The following ASPRV1 variants were observed in gnomAD, a reference collection of about 807,000 sequenced individuals.
ASPRV1 encodes aspartic peptidase retroviral like 1.
In ASPRV1, 7 loss-of-function variants were observed where a neutral mutation model predicts 11.0. The ratio of observed to expected loss-of-function variants is 0.64; its 90% CI spans 0.36 to 1.20. The LOEUF is 1.20. Among genes scored for constraint, ASPRV1 ranks in the 50% most tolerant of loss-of-function variants. ASPRV1 has a pLI of 0.02. For synonymous variants in ASPRV1, 136 were observed against 138.4 expected (o/e 0.98, Z 0.12); for missense variants, 299 against 320.0 (o/e 0.93, Z 0.50).
At chr2:69,991,773 C>T in the ASPRV1 span, among the ~76,000 whole-genome samples, 1 of 152,008 alleles carries the variant, frequency 6.6e-6, no homozygotes, top group Non-Finnish European at 1.5e-5. Context: ...CTTGAACTCC[C>T]GACCTCAGGC....
At chr2:69,994,513 G>A in the ASPRV1 span, among the ~76,000 whole-genome samples, 2 of 152,216 alleles carry the variant, frequency 1.3e-5, no homozygotes, top group African/African-American at 4.8e-5. Context: ...GGTGCAGCAT[G>A]TGGGCGGTAC....
chr2:69,945,560 G>C, the ASPRV1 span, among the ~76,000 whole-genome samples: 1 of 152,228 alleles, frequency 6.6e-6, no homozygotes, highest in African/African-American at 2.4e-5. Flanking sequence ...CCAGAGGAAA[G>C]GGAAGCTTTG....
the ASPRV1 span, chr2:70,031,228 G>A: frequency 6.6e-6 from 1 of 152,268 alleles, no homozygotes; most frequent in East Asian, 1.9e-4. Flanking sequence ...GATCTCATGT[G>A]ATTCTCATGA....
the ASPRV1 span, among the ~76,000 whole-genome samples, chr2:70,073,899 CG>C: frequency 2.0e-5 from 3 of 151,806 alleles, no homozygotes; most frequent in African/African-American, 7.3e-5. Context: ...TTTGGGAGGC[CG>C]AAATGGGCAG....
the ASPRV1 span, chr2:70,014,485 G>C: frequency 6.6e-6 from 1 of 152,128 alleles, no homozygotes; most frequent in Non-Finnish European, 1.5e-5. Flanking sequence ...AAAAATTTCT[G>C]TGCAACAGAG....
At chr2:70,064,755 G>T in the ASPRV1 span, among the ~76,000 whole-genome samples, 1 of 152,154 alleles carries the variant, frequency 6.6e-6, no homozygotes, top group East Asian at 1.9e-4. Context: ...TGTCAATAAT[G>T]TGTCAGACAT....
chr2:69,937,844 C>T, the ASPRV1 span, among the ~76,000 whole-genome samples: 2 of 152,156 alleles, frequency 1.3e-5, no homozygotes, highest in African/African-American at 4.8e-5. Flanking sequence ...GAACTCCTGA[C>T]CTCAAGTAAT....
At chr2:69,958,379 G>A (rs1289120958), downstream of ASPRV1, among the ~76,000 whole-genome samples, 2 of 152,146 alleles carry the variant, frequency 1.3e-5, no homozygotes, top group Non-Finnish European at 2.9e-5. Context: ...AGACCTGGGG[G>A]CTCAGACAGG....
At chr2:70,047,679 G>A in the ASPRV1 span, among the ~76,000 whole-genome samples, 7 of 152,196 alleles carry the variant, frequency 4.6e-5, no homozygotes, top group Non-Finnish European at 1.0e-4. Context: ...GAAAATAAAG[G>A]GGAGAGGGGA....
the ASPRV1 span, among the ~76,000 whole-genome samples, chr2:70,062,103 C>T: frequency 6.6e-6 from 1 of 151,366 alleles, no homozygotes; most frequent in Non-Finnish European, 1.5e-5. Flanking sequence ...GCCTGGCCAA[C>T]ATAGTGAAAC....
chr2:70,082,825 T>TA, the ASPRV1 span, among the ~76,000 whole-genome samples: 4 of 152,106 alleles, frequency 2.6e-5, no homozygotes, highest in African/African-American at 7.2e-5. Flanking sequence ...GCCTGGGGGA[T>TA]AGAGGTGGCA....
chr2:69,934,417 C>A, the ASPRV1 span, among the ~76,000 whole-genome samples: 1 of 152,218 alleles, frequency 6.6e-6, no homozygotes, highest in Non-Finnish European at 1.5e-5. Flanking sequence ...CTCGTGCTCT[C>A]TCTTCAGTCA....
upstream of ASPRV1, among the ~76,000 whole-genome samples, chr2:69,965,313 G>T (rs1371486276): frequency 6.6e-6 from 1 of 152,142 alleles, no homozygotes; most frequent in African/African-American, 2.4e-5. Flanking sequence ...GATTACAGGC[G>T]TGAGCCACCA....
chr2:69,999,388 C>A, the ASPRV1 span, among the ~76,000 whole-genome samples: 2 of 152,098 alleles, frequency 1.3e-5, no homozygotes, highest in East Asian at 3.9e-4. Context: ...AAGACAGAAA[C>A]AATGCCTATA....
the ASPRV1 span, among the ~76,000 whole-genome samples, chr2:70,077,620 G>A: frequency 2.0e-5 from 3 of 152,154 alleles, no homozygotes; most frequent in Admixed American, 6.5e-5. Context: ...TTGGGAGGCC[G>A]AGGTGGGCAG....
chr2:70,084,770 A>G, the ASPRV1 span, among the ~76,000 whole-genome samples: 3 of 152,202 alleles, frequency 2.0e-5, no homozygotes, highest in Non-Finnish European at 4.4e-5. Flanking sequence ...GGTTTTTTTA[A>G]AAATGTGAGA....
the ASPRV1 span, among the ~76,000 whole-genome samples, chr2:70,065,854 AG>A: frequency 1.8e-5 from 2 of 111,924 alleles, no homozygotes; most frequent in African/African-American, 4.1e-5. Flanking sequence ...AGAAAGAAAA[AG>A]AAAAGGAAGG....
chr2:70,086,148 T>C, the ASPRV1 span: 1 of 152,180 alleles, frequency 6.6e-6, no homozygotes, highest in Non-Finnish European at 1.5e-5. Flanking sequence ...GTGGGCTTTT[T>C]TAAGTCATAA....
chr2:69,954,991 A>G, the ASPRV1 span, among the ~76,000 whole-genome samples: 2 of 152,182 alleles, frequency 1.3e-5, no homozygotes, highest in African/African-American at 4.8e-5. Context: ...GGGGTTACTG[A>G]CCCACAATAT....
Sources: allele counts gnomAD v4.1 joint callset (sites outside exome capture counted in the v4.1 genomes callset), GRCh38; gene constraint gnomAD v4.1.1; transcripts MANE v1.5; gene names NCBI Gene and HGNC (gene_info 2026-07-23, HGNC 2026-07-21).